Variants in IQSEC1 observed in about 807,000 individuals in gnomAD.
IQSEC1 encodes the protein IQ motif and SEC7 domain-containing protein 1.
IQSEC1 carries 31 observed loss-of-function variants against 91.0 expected under a neutral mutation model. That is an observed-to-expected ratio of 0.34 (90% CI 0.26 to 0.46). The LOEUF is 0.46. Among genes scored for constraint, IQSEC1 ranks in the 20% least tolerant of loss-of-function variants. IQSEC1 has a pLI of 1.00. For synonymous variants in IQSEC1, 699 were observed against 662.6 expected, an observed-to-expected ratio of 1.05 and a Z score of -0.84; for missense variants, 1,388 against 1,575.6, an observed-to-expected ratio of 0.88 and a Z score of 2.02.
chr3:13,166,230 G>T (rs916291403), intron 1 of IQSEC1, among the ~76,000 whole-genome samples: 1 of 152,232 alleles, frequency 6.6e-6, no homozygotes, highest in South Asian at 2.1e-4. Context: ...CACAGTTCCT[G>T]CTCTGCGCCT....
chr3:12,971,803 C>G (rs1700911590), intron 1 of IQSEC1, among the ~76,000 whole-genome samples: 3 of 152,128 alleles, frequency 2.0e-5, no homozygotes, highest in Admixed American at 2.0e-4. Context: ...TGGTGGCTCA[C>G]CCAAAGTCAG....
At chr3:13,028,894 G>A (rs149517767) in intron 1 of IQSEC1, among the ~76,000 whole-genome samples, 26 of 152,322 alleles carry the variant, frequency 1.7e-4, no homozygotes, top group African/African-American at 5.5e-4. Flanking sequence ...CTGGGACTCC[G>A]GATCAGAAGT....
At chr3:13,204,190 C>T (rs1034479976) in intron 1 of IQSEC1, among the ~76,000 whole-genome samples, 8 of 152,366 alleles carry the variant, frequency 5.3e-5, no homozygotes, top group Admixed American at 2.0e-4. Flanking sequence ...AGAGCTGGGG[C>T]CCCGCGTGCA....
At chr3:13,265,096 G>A (rs1695465094) in intron 1 of IQSEC1, among the ~76,000 whole-genome samples, 1 of 152,194 alleles carries the variant, frequency 6.6e-6, no homozygotes, top group African/African-American at 2.4e-5. Flanking sequence ...CCCTGATCCA[G>A]AAGGTCTGGT....
intron 1 of IQSEC1, among the ~76,000 whole-genome samples, chr3:13,258,260 G>A (rs1695325203): frequency 6.6e-6 from 1 of 152,202 alleles, no homozygotes; most frequent in African/African-American, 2.4e-5. Flanking sequence ...ATAATGGAGG[G>A]AACAGGGACG....
At position 13,103,206 on chromosome 3, in the gene IQSEC1, C is replaced by T. The variant is rs781219092; in HGVS notation, c.303-55684G>A. ...AGGGGCCTGCATCGAACTCTCGCCA[C>T]CTCCCTAAGCCAGAGCTGTCTGCTT... On this transcript the variant is annotated intron_variant, in intron 2 of 15. Coordinates refer to the IQSEC1 transcript ENST00000648114. This position sits in a 1 kb window ranked among gnomAD's most constrained non-coding sequence, Gnocchi z 4.1. 2.0e-5 allele frequency among the ~76,000 whole-genome samples: 3 copies of T among 152,138 alleles called. No homozygotes were observed. The highest frequency in any genetic ancestry group is 7.2e-5 in the African/African-American group (3 of 41,434).
Position 13,259,901 on chromosome 3 carries a change from C to T in IQSEC1, c.272+22810G>A, listed in dbSNP as rs934837595. ...AGTTATTAATGACTTTATTTATATA[C>T]CAATATTTAGTTCTGCTTGCAATTA... On this transcript the variant is annotated intron_variant, in intron 1 of 15. Coordinates refer to the IQSEC1 transcript ENST00000648114. This position sits in a 1 kb window ranked among gnomAD's most constrained non-coding sequence, Gnocchi z 4.6. 6.6e-5 allele frequency among the ~76,000 whole-genome samples: 10 copies of T among 152,248 alleles called. No individual in the cohort carries two copies. In the East Asian group the frequency reaches 1.7e-3, roughly 26 times the overall value.
chr3:12,915,261 C>T, intron 7 of IQSEC1, 128 bp from the exon 8 acceptor site: 2 of 1,089,620 alleles, frequency 1.8e-6, no homozygotes, highest in South Asian at 2.9e-5. Context: ...GGTACCCACT[C>T]TCTCTGGCAG....
At chr3:13,031,975 C>A (rs1212461487) in intron 1 of IQSEC1, among the ~76,000 whole-genome samples, 1 of 152,110 alleles carries the variant, frequency 6.6e-6, no homozygotes, top group Non-Finnish European at 1.5e-5. Flanking sequence ...ATTGCGGACC[C>A]ACAGAAAAGT....
In IQSEC1 at chr3:12,901,465, G is replaced by T; in HGVS notation, c.2863C>A (p.Pro955Thr). 1 of 1,549,526 alleles carries T rather than the reference G, an allele frequency of 6.5e-7. No individual in the cohort carries two copies. The highest frequency in any genetic ancestry group is 8.7e-7 in the Non-Finnish European group (1 of 1,146,782). Residue 955 changes from proline (P) to threonine (T), a missense_variant, in exon 14 of 14, where the codon CCA (proline) becomes ACA (threonine). This residue lies in a region of IQSEC1 where 329 missense variants were observed against 257.8 expected (regional missense o/e 1.28). Transcript: ENST00000613206. ...GGCATAGTCTGGTGTGGGCGAGATG[G>T]ACACTCTCGTGTTGATGTAGCTCTC... Reference protein sequence around the residue: ...RRRATSTRECPSRPHQTMPNS... With the variant: ...RRRATSTRECTSRPHQTMPNS...
chr3:13,173,697 T>C (rs1693663103), intron 1 of IQSEC1, among the ~76,000 whole-genome samples: 1 of 152,192 alleles, frequency 6.6e-6, no homozygotes, highest in Non-Finnish European at 1.5e-5. Flanking sequence ...CAAAAGTAGG[T>C]AGGTCTGGGC....
chr3:13,018,136 G>C (rs577758499), intron 1 of IQSEC1, among the ~76,000 whole-genome samples: 1 of 152,352 alleles, frequency 6.6e-6, no homozygotes, highest in African/African-American at 2.4e-5. Flanking sequence ...GTTCCAAGTG[G>C]GAACAAATGT....
chr3:13,180,323 G>A (rs1216867395), intron 1 of IQSEC1, among the ~76,000 whole-genome samples: 1 of 152,190 alleles, frequency 6.6e-6, no homozygotes, highest in African/African-American at 2.4e-5. Context: ...TGCACCAATG[G>A]ACACTCTGTA....
Position 13,070,301 on chromosome 3 carries a change from TA to T in IQSEC1, c.23+2690del, listed in dbSNP as rs1479993651. Reference sequence around the variant, plus strand: ...CTCTGAGCCTCAGTTTCCTCTTCTGTAAAACGGGATCGACAGTATCACATTT... The same window carrying T: ...CTCTGAGCCTCAGTTTCCTCTTCTGTAAACGGGATCGACAGTATCACATTT... On this transcript the variant is annotated intron_variant, in intron 1 of 13. Transcript: ENST00000613206. 3.9e-5 allele frequency among the ~76,000 whole-genome samples: 6 copies of T among 152,340 alleles called. No individual in the cohort carries two copies. In the East Asian group the frequency reaches 9.6e-4, roughly 24 times the overall value.
intron 1 of IQSEC1, among the ~76,000 whole-genome samples, chr3:12,944,565 C>A (rs1041645246): frequency 3.0e-4 from 46 of 152,222 alleles, no homozygotes; most frequent in African/African-American, 1.1e-3. Context: ...TCCGGCTCGC[C>A]TCGTCTTTGC....
At chr3:13,028,720 T>C (rs552010260) in intron 1 of IQSEC1, among the ~76,000 whole-genome samples, 1 of 152,356 alleles carries the variant, frequency 6.6e-6, no homozygotes, top group African/African-American at 2.4e-5. Context: ...CAGATGGTAC[T>C]GGGTTTGACC....
chr3:12,907,958 G>A (rs974798118), intron 12 of IQSEC1, among the ~76,000 whole-genome samples: 7 of 152,134 alleles, frequency 4.6e-5, no homozygotes, highest in Non-Finnish European at 5.9e-5. Flanking sequence ...AGGGTTCCGC[G>A]CAAGTTCATT....
At chr3:13,226,702 T>C (rs1299172012) in intron 1 of IQSEC1, among the ~76,000 whole-genome samples, 2 of 152,140 alleles carry the variant, frequency 1.3e-5, no homozygotes, top group African/African-American at 4.8e-5. Flanking sequence ...GCATGTCAGA[T>C]CTTCATGGAA....
intron 1 of IQSEC1, among the ~76,000 whole-genome samples, chr3:12,966,739 C>G (rs553226444): frequency 6.6e-6 from 1 of 152,324 alleles, no homozygotes; most frequent in Non-Finnish European, 1.5e-5. Flanking sequence ...CACCCCAGTG[C>G]ACCCCCAAGT....
Sources: allele counts gnomAD v4.1 joint callset (sites outside exome capture counted in the v4.1 genomes callset), GRCh38; gene constraint gnomAD v4.1.1; regional missense constraint gnomAD v4.1.1; non-coding constraint Gnocchi (gnomAD v3.1); transcripts MANE v1.5; gene names NCBI Gene and HGNC (gene_info 2026-07-23, HGNC 2026-07-21).